Variants in FOXN3 observed in about 807,000 individuals in gnomAD.
FOXN3 encodes forkhead box protein N3.
A neutral mutation model predicts 38.4 loss-of-function variants in FOXN3; 7 were observed. The observed-to-expected ratio is 0.18, with a 90% CI of 0.10 to 0.34. The LOEUF (loss-of-function observed/expected upper bound fraction) is 0.34, where lower values mean the gene tolerates loss of function less well. FOXN3 is among the 10% of genes least tolerant of loss of function. The pLI is 1.00. For synonymous variants in FOXN3, 230 were observed against 242.2 expected (o/e 0.95, Z 0.47); for missense variants, 456 against 613.4 (o/e 0.74, Z 2.71).
chr14:89,243,644 G>T (rs560327362), intron 4 of FOXN3, among the ~76,000 whole-genome samples: 28 of 152,194 alleles, frequency 1.8e-4, no homozygotes, highest in Non-Finnish European at 3.4e-4. Context: ...TTCTGAGAGG[G>T]TTTATCTTCC....
At chr14:89,397,514 G>A (rs1205803585) in intron 2 of FOXN3, among the ~76,000 whole-genome samples, 4 of 151,482 alleles carry the variant, frequency 2.6e-5, no homozygotes, top group Middle Eastern at 3.4e-3. Flanking sequence ...GCATCAGAAG[G>A]AAGCACTTGA....
intron 4 of FOXN3, among the ~76,000 whole-genome samples, chr14:89,198,415 G>A (rs1276397189): frequency 2.0e-5 from 3 of 152,166 alleles, no homozygotes; most frequent in Admixed American, 6.5e-5. Context: ...CATGGATACC[G>A]AGGGATGACT....
intron 4 of FOXN3, among the ~76,000 whole-genome samples, chr14:89,275,849 C>T (rs1207039212): frequency 6.6e-6 from 1 of 152,202 alleles, no homozygotes; most frequent in South Asian, 2.1e-4. Context: ...CAGCAGAAGA[C>T]CTGGTTTCCT....
At chr14:89,260,961 A>G (rs1465716074) in intron 4 of FOXN3, among the ~76,000 whole-genome samples, 2 of 152,196 alleles carry the variant, frequency 1.3e-5, no homozygotes, top group East Asian at 1.9e-4. Flanking sequence ...AATAACCCCA[A>G]TTTACATGTT....
chr14:89,513,681 G>C (rs1051961565), intron 1 of FOXN3, among the ~76,000 whole-genome samples: 3 of 151,992 alleles, frequency 2.0e-5, no homozygotes, highest in Non-Finnish European at 4.4e-5. Flanking sequence ...CACAACCTCC[G>C]CCTCCTGGGT....
intron 4 of FOXN3, among the ~76,000 whole-genome samples, chr14:89,199,831 G>A (rs1888190432): frequency 6.6e-6 from 1 of 152,068 alleles, no homozygotes; most frequent in Non-Finnish European, 1.5e-5. Flanking sequence ...TGGAATCCAG[G>A]AGGCAGAGGC....
intron 1 of FOXN3, among the ~76,000 whole-genome samples, chr14:89,617,332 T>TG (rs1474069603): frequency 6.6e-6 from 1 of 152,262 alleles, no homozygotes; most frequent in Non-Finnish European, 1.5e-5. Flanking sequence ...TCTTATATGG[T>TG]GCAGAATGCC....
At chr14:89,264,194 C>G (rs1167019194) in intron 4 of FOXN3, 1 of 153,352 alleles carries the variant, frequency 6.5e-6, no homozygotes, top group Non-Finnish European at 1.4e-5. Context: ...CATTTTCATG[C>G]TGCTGATAAA....
upstream of FOXN3, among the ~76,000 whole-genome samples, chr14:89,418,422 C>CCA (rs1555352826): frequency 3.1e-5 from 4 of 127,902 alleles, no homozygotes; most frequent in Non-Finnish European, 6.6e-5. Context: ...ACCCCCCCCC[C>CCA]CCAATCTGAG....
At chr14:89,245,153 C>T (rs1434089883) in intron 4 of FOXN3, among the ~76,000 whole-genome samples, 3 of 151,984 alleles carry the variant, frequency 2.0e-5, no homozygotes, top group Non-Finnish European at 2.9e-5. Context: ...TTTTTTAATG[C>T]AGAAAAGGAA....
intron 1 of FOXN3, among the ~76,000 whole-genome samples, chr14:89,554,533 T>C (rs1895074460): frequency 6.6e-6 from 1 of 152,204 alleles, no homozygotes; most frequent in Non-Finnish European, 1.5e-5. Context: ...TTTTGTTCTG[T>C]TACAATTTTT....
intron 4 of FOXN3, among the ~76,000 whole-genome samples, chr14:89,278,880 A>T (rs1190997785): frequency 6.6e-6 from 1 of 152,140 alleles, no homozygotes; most frequent in Non-Finnish European, 1.5e-5. Flanking sequence ...ATTCTAACCC[A>T]AACCTTCCCC....
chr14:89,488,871 TA>T lies in FOXN3; in HGVS notation c.-14-76382del, dbSNP rs1221174276. ...CTGAGGACATCTCTGGTTTTAGCTT[TA>T]AAAAAACACTGTCACTCAAGTTGAG... On this transcript the variant is annotated intron_variant, in intron 1 of 6. Coordinates refer to the FOXN3 transcript ENST00000345097. 2.0e-5 allele frequency among the ~76,000 whole-genome samples: 3 copies of T among 152,052 alleles called. No individual in the cohort carries two copies. The South Asian group carries it at 6.2e-4, about 32-fold the overall frequency.
upstream of FOXN3, among the ~76,000 whole-genome samples, chr14:89,421,528 A>AGATT (rs56659540): frequency 0.47 from 67,343 of 144,590 alleles, 18,525 homozygotes; most frequent in Admixed American, 0.59. Context: ...ACCCAGGGAA[A>AGATT]TTTTTTTTTT....
At chr14:89,487,537 G>C (rs1893474480) in intron 1 of FOXN3, among the ~76,000 whole-genome samples, 1 of 152,138 alleles carries the variant, frequency 6.6e-6, no homozygotes, top group Non-Finnish European at 1.5e-5. Flanking sequence ...AGTCCTCCAA[G>C]TAATTCTGAT....
chr14:89,249,079 TA>T (rs1477341504), intron 4 of FOXN3, among the ~76,000 whole-genome samples: 1 of 152,214 alleles, frequency 6.6e-6, no homozygotes, highest in Non-Finnish European at 1.5e-5. Context: ...GCTCTTGCTT[TA>T]AAATTATAAA....
At chr14:89,422,238 T>C (rs974310325) in intron 1 of FOXN3, among the ~76,000 whole-genome samples, 4 of 152,184 alleles carry the variant, frequency 2.6e-5, no homozygotes, top group African/African-American at 9.7e-5. Context: ...CTCAAACTCG[T>C]GTATGCATAG....
intron 2 of FOXN3, among the ~76,000 whole-genome samples, chr14:89,360,744 A>T (rs1459642052): frequency 8.4e-6 from 1 of 118,630 alleles, no homozygotes; most frequent in East Asian, 2.7e-4. Context: ...CTCCAGCACC[A>T]CCTCCACCAC....
intron 1 of FOXN3, among the ~76,000 whole-genome samples, chr14:89,490,501 C>T (rs985541594): frequency 3.3e-5 from 5 of 152,172 alleles, no homozygotes; most frequent in African/African-American, 7.2e-5. Flanking sequence ...ACACCTGGGG[C>T]GCTAACCAAC....
Sources: gnomAD v4.1 joint callset for allele counts (sites outside exome capture counted in the v4.1 genomes callset) on GRCh38, gnomAD v4.1.1 for gene constraint, MANE v1.5 for transcripts, NCBI Gene and HGNC (gene_info 2026-07-23, HGNC 2026-07-21) for gene names.